MYO10: variants seen among roughly 807,000 people sequenced by gnomAD.
MYO10 encodes myosin X.
MYO10 carries 133 observed loss-of-function variants against 257.3 expected under a neutral mutation model. The ratio of observed to expected loss-of-function variants is 0.52; its 90% CI spans 0.45 to 0.60. The LOEUF is 0.60. Among genes scored for constraint, MYO10 ranks in the 20% least tolerant of loss-of-function variants. MYO10 has a pLI of 0.00. For synonymous variants in MYO10, 1,104 were observed against 1,028.6 expected, an observed-to-expected ratio of 1.07 and a Z score of -1.40; for missense variants, 2,399 against 2,635.7, an observed-to-expected ratio of 0.91 and a Z score of 1.97.
At chr5:16,779,797 C>A in intron 8 of MYO10, 149 bp from the exon 9 acceptor site, 1 of 516,596 alleles carries the variant, frequency 1.9e-6, no homozygotes, top group Non-Finnish European at 3.4e-6. Flanking sequence ...TAGTTACCAT[C>A]TAGGGAAAAT....
At chr5:16,738,100 T>C (rs1372388935) in intron 19 of MYO10, 1 of 978,358 alleles carries the variant, frequency 1.0e-6, no homozygotes. Flanking sequence ...TAGAGGAGGG[T>C]TTTGAGGTGG....
rs1737923744 is a variant in MYO10, at chr5:16,699,483, G to C, written c.3523C>G (p.Leu1175Val). 1 of 1,613,856 alleles carries C rather than the reference G, an allele frequency of 6.2e-7. No individual in the cohort carries two copies. Among genetic ancestry groups the C allele is most frequent in the African/African-American group, 1.3e-5 (1 of 74,984 alleles). ...RRDSVYSCVT[L>V]PYFHSFLYMK... ...TACAGAAAGCTGTGGAAATACGGCA[G>C]AGTGACACAGCTGTACACAGAGTCA... is the stretch of plus-strand genomic sequence containing the variant. The change falls in exon 26 of 41, where the codon CTG becomes GTG. Residue 1175 changes from leucine (L) to valine (V), a missense_variant. By Grantham distance (32) the Leu-to-Val change is conservative. This residue lies in a region of MYO10 where 1,820 missense variants were observed against 1,939.4 expected (regional missense o/e 0.94). Transcript: ENST00000513610.
chr5:16,911,132 A>G (rs539002887), intron 1 of MYO10, among the ~76,000 whole-genome samples: 10 of 152,136 alleles, frequency 6.6e-5, no homozygotes, highest in Non-Finnish European at 1.3e-4. Context: ...GCAATACTCC[A>G]TCTCTAAAAC....
At chr5:16,830,705 C>A (rs954424162) in intron 2 of MYO10, among the ~76,000 whole-genome samples, 4 of 53,956 alleles carry the variant, frequency 7.4e-5, no homozygotes, top group African/African-American at 2.5e-4. Flanking sequence ...ACACACAGGG[C>A]GACTGTACTC....
At chr5:16,679,277 A>G (rs26757) in intron 33 of MYO10, among the ~76,000 whole-genome samples, 70,910 of 151,940 alleles carry the variant, frequency 0.47, 18,695 homozygotes, top group African/African-American at 0.73. Context: ...AGGCTGAGGG[A>G]GAACCTGACG....
chr5:16,923,441 C>T (rs1248756387), intron 1 of MYO10, among the ~76,000 whole-genome samples: 3 of 151,932 alleles, frequency 2.0e-5, no homozygotes, highest in Non-Finnish European at 4.4e-5. Context: ...TGCCCACCAC[C>T]ACGCCCGGCT....
At chr5:16,731,395 G>A (rs1381630266) in intron 19 of MYO10, among the ~76,000 whole-genome samples, 1 of 151,740 alleles carries the variant, frequency 6.6e-6, no homozygotes, top group Non-Finnish European at 1.5e-5. Flanking sequence ...CCAGGCAGGA[G>A]TGCAGTCATG....
chr5:16,702,962 C>T lies in MYO10; in HGVS notation c.2473G>A (p.Glu825Lys), dbSNP rs1738154003. 6.4e-7 allele frequency: 1 copy of T among 1,551,808 alleles called. No homozygotes were observed. The highest frequency in any genetic ancestry group is 8.7e-7 in the Non-Finnish European group (1 of 1,147,060). Residue 825 changes from glutamate (E) to lysine (K), a missense_variant, in exon 23 of 41, where the codon GAA becomes AAA. Coordinates refer to ENST00000513610, the MANE Select transcript of MYO10 (RefSeq NM_012334.3). ...KREQEEKKKQ[E>K]EEEKKKREEE... is the part of the protein sequence containing the mutation. Reference sequence around the variant, plus strand: ...TCCCGTTTCTTCTTTTCTTCCTCTTCCTGTTTCTTCTTTTCTTCTTGCTCC... The same window carrying T: ...TCCCGTTTCTTCTTTTCTTCCTCTTTCTGTTTCTTCTTTTCTTCTTGCTCC...
chr5:16,816,615 C>T (rs1742621295), intron 3 of MYO10, among the ~76,000 whole-genome samples: 1 of 151,282 alleles, frequency 6.6e-6, no homozygotes, highest in Admixed American at 6.6e-5. Flanking sequence ...ACTGCAAACT[C>T]CGCCTCCCAG....
intron 19 of MYO10, chr5:16,742,225 T>G: frequency 1.0e-6 from 1 of 985,430 alleles, no homozygotes; most frequent in Non-Finnish European, 1.2e-6. Context: ...CAGCACTCTT[T>G]GCTGGTGCTG....
At chr5:16,695,812 G>A (rs961212852) in intron 26 of MYO10, among the ~76,000 whole-genome samples, 8 of 152,176 alleles carry the variant, frequency 5.3e-5, no homozygotes, top group Non-Finnish European at 4.4e-5. Flanking sequence ...CGTTCACTGT[G>A]TGAAAACCAG....
intron 19 of MYO10, among the ~76,000 whole-genome samples, chr5:16,747,862 T>C (rs13185882): frequency 7.7e-6 from 1 of 129,144 alleles, no homozygotes; most frequent in Non-Finnish European, 1.5e-5. Context: ...GAGCTTGCAG[T>C]GAGCCGAGAT....
intron 19 of MYO10, among the ~76,000 whole-genome samples, chr5:16,728,970 T>G (rs1363817819): frequency 6.6e-6 from 1 of 152,202 alleles, no homozygotes; most frequent in Non-Finnish European, 1.5e-5. Flanking sequence ...AAGGGGACCC[T>G]TTTCTTTTCT....
At chr5:16,758,561 A>G (rs1338650492) in intron 17 of MYO10, among the ~76,000 whole-genome samples, 2 of 152,172 alleles carry the variant, frequency 1.3e-5, no homozygotes, top group African/African-American at 2.4e-5. Context: ...AAAGTGAGTT[A>G]TTAGTTTTGC....
At chr5:16,803,284 C>G (rs1229702774) in intron 3 of MYO10, among the ~76,000 whole-genome samples, 1 of 151,804 alleles carries the variant, frequency 6.6e-6, no homozygotes, top group Non-Finnish European at 1.5e-5. Flanking sequence ...AAAAGTTAGC[C>G]AGGTATGATG....
At chr5:16,720,440 T>C (rs1035390571) in intron 19 of MYO10, among the ~76,000 whole-genome samples, 18 of 151,756 alleles carry the variant, frequency 1.2e-4, no homozygotes, top group Non-Finnish European at 2.4e-4. Context: ...TATTTTATTT[T>C]ATTTATTTTA....
chr5:16,799,069 T>C (rs898807798), intron 3 of MYO10, among the ~76,000 whole-genome samples: 1 of 152,214 alleles, frequency 6.6e-6, no homozygotes, highest in Admixed American at 6.5e-5. Flanking sequence ...AAGATGAGCC[T>C]TTCTTTCTTA....
In MYO10 at chr5:16,830,093, G is replaced by A. The variant is rs553421753; in HGVS notation, c.121-11926C>T. Among the ~76,000 whole-genome samples the A allele has an allele frequency of 7.6e-4, 116 of 152,062 alleles. 2 individuals carry two copies. Among genetic ancestry groups the A allele is most frequent in the African/African-American group, 2.6e-3 (107 of 41,484 alleles). ...CTACTAAAAATCACAAAAATTAGCCGGGCGTCATGGTGCGCGCCTTTAGTC... is the reference window on the plus strand; with the variant it reads ...CTACTAAAAATCACAAAAATTAGCCAGGCGTCATGGTGCGCGCCTTTAGTC... On this transcript the variant is annotated intron_variant, in intron 2 of 40. Coordinates refer to ENST00000513610, the MANE Select transcript of MYO10 (RefSeq NM_012334.3).
intron 2 of MYO10, among the ~76,000 whole-genome samples, chr5:16,821,097 T>C (rs1742789544): frequency 6.8e-6 from 1 of 147,424 alleles, no homozygotes; most frequent in Non-Finnish European, 1.5e-5. Flanking sequence ...ATATAATGTA[T>C]AATATATAAT....
Sources: allele counts gnomAD v4.1 joint callset (sites outside exome capture counted in the v4.1 genomes callset), GRCh38; gene constraint gnomAD v4.1.1; regional missense constraint gnomAD v4.1.1; transcripts MANE v1.5; gene names NCBI Gene and HGNC (gene_info 2026-07-23, HGNC 2026-07-21).